LPL: variants seen among roughly 807,000 people sequenced by gnomAD.
LPL encodes phospholipase A1.
LPL carries 43 observed loss-of-function variants against 52.2 expected under a neutral mutation model. The observed-to-expected ratio is 0.82, with a 90% CI of 0.64 to 1.06. The LOEUF (loss-of-function observed/expected upper bound fraction) is 1.06, where lower values mean the gene tolerates loss of function less well. Ranked by LOEUF, LPL falls within the 50% of genes least tolerant of loss-of-function variation. The pLI is 0.00. For missense variants in LPL, 639 were observed against 585.3 expected, an observed-to-expected ratio of 1.09 and a Z score of -0.95; for synonymous variants, 244 against 215.6, an observed-to-expected ratio of 1.13 and a Z score of -1.15.
chr8:19,960,254 T>C (rs577136730), intron 7 of LPL, among the ~76,000 whole-genome samples: 3 of 152,320 alleles, frequency 2.0e-5, no homozygotes, highest in South Asian at 4.1e-4. Context: ...GTGCGGAAGG[T>C]AGTATTTTAA....
At chr8:19,942,333 T>C (rs2128835772) in intron 1 of LPL, among the ~76,000 whole-genome samples, 1 of 152,298 alleles carries the variant, frequency 6.6e-6, no homozygotes, top group South Asian at 2.1e-4. Flanking sequence ...AATATGAAGA[T>C]GTTCCAGCCA....
intron 2 of LPL, among the ~76,000 whole-genome samples, chr8:19,951,246 G>A (rs967363726): frequency 6.6e-6 from 1 of 152,132 alleles, no homozygotes; most frequent in Non-Finnish European, 1.5e-5. Flanking sequence ...GTGAAGTAGG[G>A]GATCCTGGCT....
chr8:19,962,021 T>C, intron 8 of LPL, 94 bp from the exon 9 acceptor site: 3 of 831,618 alleles, frequency 3.6e-6, no homozygotes, highest in Non-Finnish European at 6.3e-6. Flanking sequence ...AGCATGATCA[T>C]GTATTATTTA....
At chr8:19,955,530 G>A (rs1401917486) in intron 5 of LPL, among the ~76,000 whole-genome samples, 2 of 152,122 alleles carry the variant, frequency 1.3e-5, no homozygotes, top group Non-Finnish European at 2.9e-5. Flanking sequence ...GTAAGAGAAG[G>A]ATGAGATAAA....
At chr8:19,957,512 A>T (rs281) in intron 6 of LPL, among the ~76,000 whole-genome samples, 49,413 of 152,034 alleles carry the variant, frequency 0.33, 8,576 homozygotes, top group African/African-American at 0.43. Flanking sequence ...AATCTTGAAG[A>T]CACAGACAGG....
chr8:19,945,975 G>T (rs993722518), intron 1 of LPL, among the ~76,000 whole-genome samples: 8 of 152,260 alleles, frequency 5.3e-5, no homozygotes, highest in Admixed American at 5.2e-4. Flanking sequence ...ATTTTCTAAA[G>T]CACTTTTTAA....
Position 19,955,869 on chromosome 8 carries a change from C to T in LPL, c.804C>T (p.His268=), listed in dbSNP as rs776585907. The T allele has an allele frequency of 3.8e-5, 61 of 1,614,034 alleles. No individual in the cohort carries two copies. Among genetic ancestry groups the T allele is most frequent in the Middle Eastern group, 1.6e-4 (1 of 6,084 alleles). The change falls in exon 6 of 10, where the codon CAC becomes CAT. Residue 268 remains histidine, a synonymous_variant. Coordinates refer to ENST00000650287, the MANE Select transcript of LPL (RefSeq NM_000237.3). ...TGGACCAGCTAGTGAAGTGCTCCCA[C>T]GAGCGCTCCATTCATCTCTTCATCG... is the stretch of plus-strand genomic sequence containing the variant. ...GDVDQLVKCS[H]ERSIHLFIDS...
chr8:19,957,114 G>T (rs2069992538), intron 6 of LPL, among the ~76,000 whole-genome samples: 1 of 152,182 alleles, frequency 6.6e-6, no homozygotes, highest in Non-Finnish European at 1.5e-5. Flanking sequence ...ATTCCTGGAA[G>T]GCAAGAATAT....
At chr8:19,963,882 A>G (rs1270340603) in intron 9 of LPL, among the ~76,000 whole-genome samples, 4 of 152,130 alleles carry the variant, frequency 2.6e-5, no homozygotes, top group Non-Finnish European at 5.9e-5. Flanking sequence ...CCTCATCACA[A>G]ATCTGAGGCA....
rs538275263 is a variant in LPL, at chr8:19,944,892, G to A, written c.89-3288G>A. On this transcript the variant is annotated intron_variant, in intron 1 of 9. Transcript: ENST00000650287. This position sits in a 1 kb window ranked among gnomAD's most constrained non-coding sequence, Gnocchi z 4.2. The stretch of plus-strand genomic sequence containing the variant: ...AGGGCTTAATATGGACATTTCTGAC[G>A]AGGCCTGATGGGCAGGTGGTACGGT... Among the ~76,000 whole-genome samples the A allele has an allele frequency of 5.9e-5, 9 of 152,200 alleles. No homozygotes were observed. The South Asian group carries it at 1.5e-3, about 25-fold the overall frequency.
At chr8:19,955,181 T>C (rs2069973163) in intron 5 of LPL, among the ~76,000 whole-genome samples, 1 of 152,192 alleles carries the variant, frequency 6.6e-6, no homozygotes, top group African/African-American at 2.4e-5. Context: ...CTATGTTCAT[T>C]TGATATAAAA....
chr8:19,955,464 G>T (rs1254688091), intron 5 of LPL, among the ~76,000 whole-genome samples: 3 of 152,060 alleles, frequency 2.0e-5, no homozygotes, highest in Non-Finnish European at 4.4e-5. Context: ...TTTATTGTAA[G>T]GCAAGGGGCA....
intron 1 of LPL, among the ~76,000 whole-genome samples, chr8:19,947,441 A>G (rs1590138764): frequency 6.6e-6 from 1 of 152,138 alleles, no homozygotes; most frequent in South Asian, 2.1e-4. Flanking sequence ...GGAGATAGCG[A>G]CCACCCTGGG....
chr8:19,955,693 A>T (rs2069978071), intron 5 of LPL, 148 bp from the exon 6 acceptor site: 4 of 1,043,410 alleles, frequency 3.8e-6, no homozygotes, highest in Non-Finnish European at 5.8e-6. Context: ...TATCTCCTGA[A>T]ATAGGGCCTA....
Position 19,948,214 on chromosome 8 carries a change from T to C in LPL, c.123T>C (p.Phe41=), listed in dbSNP as rs1278204240. The change falls in exon 2 of 10, where the codon TTT becomes TTC. Residue 41 remains phenylalanine (F), a synonymous_variant. Transcript: ENST00000650287. ...RRDFIDIESK[F]ALRTPEDTAE... ...ATTTTATCGACATCGAAAGTAAATT[T>C]GCCCTAAGGACCCCTGAAGACACAG... 6.2e-7 allele frequency: 1 copy of C among 1,614,184 alleles called. No individual in the cohort carries two copies. The highest frequency in any genetic ancestry group is 8.5e-7 in the Non-Finnish European group (1 of 1,180,024).
At chr8:19,946,158 T>C (rs1410478561) in intron 1 of LPL, among the ~76,000 whole-genome samples, 1 of 152,188 alleles carries the variant, frequency 6.6e-6, no homozygotes, top group Non-Finnish European at 1.5e-5. Flanking sequence ...GGTGGATGAA[T>C]GGATTCACGT....
chr8:19,964,516 G>A (rs374372468), intron 9 of LPL, among the ~76,000 whole-genome samples: 36 of 152,152 alleles, frequency 2.4e-4, no homozygotes, highest in African/African-American at 7.0e-4. Flanking sequence ...GTTCAGATGC[G>A]TTTTATTTTT....
chr8:19,952,194 G>A (rs2069940614), intron 3 of LPL, among the ~76,000 whole-genome samples: 1 of 152,144 alleles, frequency 6.6e-6, no homozygotes, highest in African/African-American at 2.4e-5. Flanking sequence ...TAGATCTGCT[G>A]AGACCAATAA....
chr8:19,955,788 A>G lies in LPL; in HGVS notation c.776-53A>G, dbSNP rs266. ...CTATTTTAGACATGCCAAATGAAAC[A>G]CTCTTTGTGAATTTCTGCCGAGATA... is the stretch of plus-strand genomic sequence containing the variant. On this transcript the variant is annotated intron_variant, in intron 5 of 9. Transcript: ENST00000650287. The G allele has an allele frequency of 9.4e-3, 15,236 of 1,612,648 alleles. 768 individuals are homozygous for G. The African/African-American group carries it at 0.13, about 14-fold the overall frequency.
Sources: gnomAD v4.1 joint callset for allele counts (sites outside exome capture counted in the v4.1 genomes callset) on GRCh38, gnomAD v4.1.1 for gene constraint, Gnocchi (gnomAD v3.1) non-coding constraint, MANE v1.5 for transcripts, NCBI Gene and HGNC (gene_info 2026-07-23, HGNC 2026-07-21) for gene names.